ZFHX3: variants seen among roughly 807,000 people sequenced by gnomAD.
The protein encoded by ZFHX3 is zinc finger homeobox protein 3.
A neutral mutation model predicts 279.1 loss-of-function variants in ZFHX3; 42 were observed. That is an observed-to-expected ratio of 0.15 (90% CI 0.12 to 0.19). ZFHX3 has a LOEUF of 0.19. Among genes scored for constraint, ZFHX3 ranks in the 10% least tolerant of loss-of-function variants. ZFHX3 has a pLI of 1.00. For synonymous variants in ZFHX3, 2,293 were observed against 1,957.8 expected, an observed-to-expected ratio of 1.17 and a Z score of -4.52; for missense variants, 4,981 against 4,754.0, an observed-to-expected ratio of 1.05 and a Z score of -1.40.
chr16:73,668,065 TAA>T (rs1378761663), intron 2 of ZFHX3, among the ~76,000 whole-genome samples: 1 of 152,342 alleles, frequency 6.6e-6, no homozygotes, highest in Admixed American at 6.5e-5. Flanking sequence ...TTGAAAATGA[TAA>T]GTCACCTCTA....
intron 4 of ZFHX3, 48 bp from the exon 5 acceptor site, chr16:72,829,907 G>T: frequency 1.2e-6 from 2 of 1,607,522 alleles, no homozygotes; most frequent in South Asian, 1.1e-5. Flanking sequence ...AAAAGAAGAT[G>T]AAGGACTTTT....
chr16:73,739,563 C>T (rs1345271017), intron 1 of ZFHX3, among the ~76,000 whole-genome samples: 1 of 152,138 alleles, frequency 6.6e-6, no homozygotes, highest in Non-Finnish European at 1.5e-5. Context: ...CATGGGCACA[C>T]CTTGGTTGTT....
chr16:73,745,366 T>G (rs1159446372), intron 1 of ZFHX3, among the ~76,000 whole-genome samples: 3 of 152,180 alleles, frequency 2.0e-5, no homozygotes, highest in Non-Finnish European at 2.9e-5. Context: ...GAGGCTAGTT[T>G]AAGATTACCT....
At chr16:73,668,871 A>C (rs1182101024) in intron 2 of ZFHX3, among the ~76,000 whole-genome samples, 2 of 152,202 alleles carry the variant, frequency 1.3e-5, no homozygotes, top group Non-Finnish European at 2.9e-5. Flanking sequence ...CATGCCAGTT[A>C]GAATGGCAAT....
intron 2 of ZFHX3, among the ~76,000 whole-genome samples, chr16:73,536,559 T>G (rs2019905128): frequency 6.6e-6 from 1 of 152,244 alleles, no homozygotes; most frequent in Non-Finnish European, 1.5e-5. Context: ...AGTCAAAGTA[T>G]CTATAAAATC....
At chr16:73,455,438 C>T (rs2018355194) in intron 3 of ZFHX3, among the ~76,000 whole-genome samples, 1 of 152,156 alleles carries the variant, frequency 6.6e-6, no homozygotes, top group African/African-American at 2.4e-5. Context: ...ACATTCTTCC[C>T]ACCCCAGAGG....
chr16:73,657,623 C>G (rs907521550), intron 2 of ZFHX3, among the ~76,000 whole-genome samples: 2 of 152,082 alleles, frequency 1.3e-5, no homozygotes, highest in Non-Finnish European at 2.9e-5. Context: ...TCCCCCAGTC[C>G]TAGTCAAGCA....
Position 72,958,192 on chromosome 16 carries a change from A to G in ZFHX3, c.1954T>C (p.Ser652Pro). The change falls in exon 2 of 10, where the codon TCC (serine) becomes CCC (proline). Residue 652 changes from serine to proline, a missense_variant. Ser to Pro is a moderately conservative substitution (Grantham distance 74). Coordinates refer to ENST00000268489, the MANE Select transcript of ZFHX3 (RefSeq NM_006885.4). ...CPKCDTVLGS[S>P]RSLGGHMTMM... is the part of the protein sequence containing the mutation. Reference sequence around the variant, plus strand: ...GTCATGTGGCCGCCCAGCGAGCGGGAGGAGCCCAGGACCGTGTCGCATTTG... The same window carrying G: ...GTCATGTGGCCGCCCAGCGAGCGGGGGGAGCCCAGGACCGTGTCGCATTTG... 6.2e-7 allele frequency: 1 copy of G among 1,613,246 alleles called. No individual in the cohort carries two copies. Among genetic ancestry groups the G allele is most frequent in the Non-Finnish European group, 8.5e-7 (1 of 1,179,272 alleles).
chr16:73,373,782 A>G (rs1392280529), intron 3 of ZFHX3, among the ~76,000 whole-genome samples: 1 of 152,028 alleles, frequency 6.6e-6, no homozygotes, highest in Non-Finnish European at 1.5e-5. Context: ...TGACATTACT[A>G]TGATGTATGA....
At chr16:73,649,187 T>A (rs1264218455) in intron 2 of ZFHX3, among the ~76,000 whole-genome samples, 34 of 152,344 alleles carry the variant, frequency 2.2e-4, no homozygotes, top group Non-Finnish European at 2.4e-4. Flanking sequence ...CATAGGCAAG[T>A]AATGAGTTAC....
At chr16:73,634,608 G>C (rs2052511731) in intron 2 of ZFHX3, among the ~76,000 whole-genome samples, 1 of 151,842 alleles carries the variant, frequency 6.6e-6, no homozygotes, top group South Asian at 2.1e-4. Flanking sequence ...TTGCACCTAT[G>C]GGTCCTCCAA....
intron 7 of ZFHX3, among the ~76,000 whole-genome samples, chr16:73,112,347 C>G (rs891060695): frequency 6.6e-6 from 1 of 151,964 alleles, no homozygotes; most frequent in Non-Finnish European, 1.5e-5. Flanking sequence ...GCCTGTGAGG[C>G]AAGGAGCTTT....
chr16:73,858,751 G>A (rs1961805227), intron 1 of ZFHX3, among the ~76,000 whole-genome samples: 1 of 152,230 alleles, frequency 6.6e-6, no homozygotes, highest in African/African-American at 2.4e-5. Context: ...TCACAGTGCA[G>A]TGTGGTTTTA....
exon 8 of ZFHX3, chr16:73,093,519 T>C (rs1966116533): frequency 2.0e-6 from 1 of 505,876 alleles, no homozygotes. Flanking sequence ...CTGCGCCCTG[T>C]CCACTCTCGG....
chr16:72,932,753 T>A (rs940859068), intron 3 of ZFHX3, among the ~76,000 whole-genome samples: 8 of 151,100 alleles, frequency 5.3e-5, no homozygotes, highest in Non-Finnish European at 1.2e-4. Context: ...AAAAATAACG[T>A]CAGTTGTGTG....
At chr16:73,465,253 A>G (rs1488109664) in intron 2 of ZFHX3, among the ~76,000 whole-genome samples, 1 of 152,176 alleles carries the variant, frequency 6.6e-6, no homozygotes, top group Non-Finnish European at 1.5e-5. Flanking sequence ...CACAGAATTA[A>G]ACATGTTTCT....
At chr16:73,512,711 C>T (rs918617810) in intron 2 of ZFHX3, among the ~76,000 whole-genome samples, 1 of 152,134 alleles carries the variant, frequency 6.6e-6, no homozygotes, top group Non-Finnish European at 1.5e-5. Context: ...TTGGCCACGG[C>T]AATGGTCTGT....
At chr16:72,873,145 T>C (rs1378543363) in intron 4 of ZFHX3, among the ~76,000 whole-genome samples, 1 of 152,234 alleles carries the variant, frequency 6.6e-6, no homozygotes, top group Admixed American at 6.5e-5. Flanking sequence ...TAACCTTCAA[T>C]GGGCGTATTT....
intron 1 of ZFHX3, among the ~76,000 whole-genome samples, chr16:73,842,602 G>A (rs1042305151): frequency 2.0e-5 from 3 of 152,096 alleles, no homozygotes; most frequent in Non-Finnish European, 4.4e-5. Context: ...AAGTATGTGT[G>A]CATGTGCGTG....
Sources: allele counts gnomAD v4.1 joint callset (sites outside exome capture counted in the v4.1 genomes callset), GRCh38; gene constraint gnomAD v4.1.1; transcripts MANE v1.5; gene names NCBI Gene and HGNC (gene_info 2026-07-23, HGNC 2026-07-21).